Variants in CACNA1H observed in about 807,000 individuals in gnomAD.
The protein encoded by CACNA1H is voltage-dependent T-type calcium channel subunit alpha-1H.
Under a neutral mutation model 192.5 loss-of-function variants are expected in CACNA1H, and 149 were observed. The observed-to-expected ratio is 0.77, with a 90% CI of 0.68 to 0.89. The LOEUF is 0.89. Among genes scored for constraint, CACNA1H ranks in the 40% least tolerant of loss-of-function variants. The pLI, the probability that CACNA1H is intolerant of heterozygous loss-of-function variation, is 0.00. For missense variants in CACNA1H, 4,257 were observed against 3,423.5 expected (o/e 1.24, Z -6.08); for synonymous variants, 2,202 against 1,475.2 (o/e 1.49, Z -11.29).
intron 2 of CACNA1H, among the ~76,000 whole-genome samples, chr16:1,174,679 C>T: frequency 6.6e-6 from 1 of 152,140 alleles, no homozygotes; most frequent in East Asian, 1.9e-4. Flanking sequence ...GAGAGGCGCC[C>T]AATGTTAGTT....
At chr16:1,203,084 G>A (rs573862042) in intron 9 of CACNA1H, among the ~76,000 whole-genome samples, 104 of 152,250 alleles carry the variant, frequency 6.8e-4, no homozygotes, top group African/African-American at 2.4e-3. Flanking sequence ...TGTCCCCCGT[G>A]GTGGGGAGAG....
intron 2 of CACNA1H, among the ~76,000 whole-genome samples, chr16:1,183,568 G>A (rs750161910): frequency 5.9e-5 from 9 of 152,312 alleles, no homozygotes; most frequent in East Asian, 1.9e-4. Context: ...GTTCCCTCCC[G>A]CTAAGAGGCC....
chr16:1,215,205 G>A lies in CACNA1H; in HGVS notation c.5040-37G>A, dbSNP rs750720868. 8.0e-5 allele frequency: 127 copies of A among 1,585,954 alleles called. 1 individual carries two copies. The highest frequency in any genetic ancestry group is 5.1e-4 in the Middle Eastern group (3 of 5,892). On this transcript the variant is annotated intron_variant, in intron 28 of 34. Transcript: ENST00000348261. ...AGCAACGCTGCTGAGCCGAGGCGGG[G>A]ACCCCAGACGTGTGCGCTGAGCCTC...
chr16:1,209,450 T>G (rs779619936), intron 17 of CACNA1H, 38 bp downstream of exon 17: 1 of 1,587,900 alleles, frequency 6.3e-7, no homozygotes. Flanking sequence ...CGACTCGCCT[T>G]CGTCTGTCTG....
intron 12 of CACNA1H, chr16:1,206,661 G>GCAGCCAGGCAGGCCGGGCTTTCA: frequency 2.4e-6 from 1 of 418,028 alleles, no homozygotes; most frequent in African/African-American, 2.0e-5. Context: ...TGGAGGCTAG[G>GCAGCCAGGCAGGCCGGGCTTTCA]CAGCCAGGCA....
intron 2 of CACNA1H, among the ~76,000 whole-genome samples, chr16:1,191,871 G>C (rs995841075): frequency 7.6e-6 from 1 of 130,834 alleles, no homozygotes; most frequent in African/African-American, 3.2e-5. Flanking sequence ...CAGGGTTTTG[G>C]TGACCCAGCA....
intron 2 of CACNA1H, among the ~76,000 whole-genome samples, chr16:1,177,498 G>A (rs1389165469): frequency 6.6e-6 from 1 of 152,186 alleles, no homozygotes; most frequent in Non-Finnish European, 1.5e-5. Context: ...TTTGAGGGCT[G>A]AATTCTGACC....
intron 2 of CACNA1H, among the ~76,000 whole-genome samples, chr16:1,177,128 G>A (rs985591477): frequency 1.1e-4 from 16 of 152,160 alleles, no homozygotes; most frequent in Non-Finnish European, 1.5e-4. Flanking sequence ...TGTCCTGGGC[G>A]GCCCTTTTTG....
chr16:1,210,531 C>T (rs1344542203), intron 19 of CACNA1H, 38 bp downstream of exon 19: 1 of 1,610,714 alleles, frequency 6.2e-7, no homozygotes, highest in Non-Finnish European at 8.5e-7. Context: ...GCCACCACGA[C>T]CCCCAGGGAG....
In CACNA1H at chr16:1,201,998, C is replaced by G. The variant is rs1305959758; in HGVS notation, c.1548C>G (p.His516Gln). The G allele has an allele frequency of 3.9e-6, 6 of 1,539,314 alleles. No homozygotes were observed. The highest frequency in any genetic ancestry group is 5.2e-6 in the Non-Finnish European group (6 of 1,143,784). ...RAGRHTASVH[H>Q]LVYHHHHHHH... ...GCAGGCACACAGCCTCGGTGCACCACCTGGTCTACCACCACCATCACCACC... is the reference window on the plus strand; with the variant it reads ...GCAGGCACACAGCCTCGGTGCACCAGCTGGTCTACCACCACCATCACCACC... The change falls in exon 9 of 35, where the codon CAC (histidine) becomes CAG (glutamine). Residue 516 changes from histidine (H) to glutamine (Q), a missense_variant. His to Gln is a conservative substitution (Grantham distance 24, BLOSUM62 0). Coordinates refer to ENST00000348261, the MANE Select transcript of CACNA1H (RefSeq NM_021098.3).
chr16:1,208,921 GC>G, intron 16 of CACNA1H, 110 bp from the exon 17 acceptor site: 1 of 1,162,480 alleles, frequency 8.6e-7, no homozygotes, highest in Non-Finnish European at 1.1e-6. Context: ...CCCTGGCGGG[GC>G]TATGCATTAA....
In CACNA1H at chr16:1,195,538, G is replaced by T; in HGVS notation, c.518G>T (p.Arg173Met). Residue 173 changes from arginine (R) to methionine (M), a missense_variant, in exon 4 of 35, where the codon AGG (arginine) becomes ATG (methionine). By Grantham distance (91) the Arg-to-Met change is moderately conservative. Transcript: ENST00000348261. ...QKCYLGDTWN[R>M]LDFFIVVAGM... ...TGTTACCTGGGTGACACGTGGAACA[G>T]GCTGGATTTCTTCATCGTCGTGGCG... The T allele has an allele frequency of 6.2e-7, 1 of 1,606,378 alleles. No homozygotes were observed. The highest frequency in any genetic ancestry group is 1.3e-5 in the African/African-American group (1 of 74,936).
At chr16:1,184,061 C>G (rs1377067884) in intron 2 of CACNA1H, among the ~76,000 whole-genome samples, 1 of 152,194 alleles carries the variant, frequency 6.6e-6, no homozygotes, top group East Asian at 1.9e-4. Flanking sequence ...CCCATCAGGC[C>G]TAGGTGGAGC....
In CACNA1H at chr16:1,205,123, C is replaced by G. The variant is rs777617840; in HGVS notation, c.2461C>G (p.Leu821Val). Reference sequence around the variant, plus strand: ...CCACCTCTGCCTGCAGCCCGAGGAGCTGACTAATGCTCTGGAGATCAGCAA... The same window carrying G: ...CCACCTCTGCCTGCAGCCCGAGGAGGTGACTAATGCTCTGGAGATCAGCAA... ...GVEYHEQPEE[L>V]TNALEISNIV... is the part of the protein sequence containing the mutation. The change falls in exon 11 of 35, where the codon CTG becomes GTG. Residue 821 changes from leucine to valine, a missense_variant. Physicochemically the swap from Leu to Val is conservative, Grantham distance 32. Coordinates refer to ENST00000348261, the MANE Select transcript of CACNA1H (RefSeq NM_021098.3). The G allele has an allele frequency of 1.1e-5, 18 of 1,611,704 alleles. No individual in the cohort carries two copies. In the Admixed American group the frequency reaches 2.0e-4, roughly 18 times the overall value.
Position 1,183,933 on chromosome 16 carries a change from C to T in CACNA1H, c.300-11039C>T, listed in dbSNP as rs537466398. On this transcript the variant is annotated intron_variant, in intron 2 of 34. Coordinates refer to ENST00000348261, the MANE Select transcript of CACNA1H (RefSeq NM_021098.3). The stretch of plus-strand genomic sequence containing the variant: ...GGATCGGTTAATTAACGACAGGTGC[C>T]CTGGAGCCGTGTCCATGCCGCCTGG... Among the ~76,000 whole-genome samples the T allele has an allele frequency of 7.9e-5, 12 of 152,352 alleles. No homozygotes were observed. The East Asian group carries it at 1.2e-3, about 15-fold the overall frequency.
chr16:1,175,170 G>A lies in CACNA1H; in HGVS notation c.300-19802G>A, dbSNP rs753811130. Among the ~76,000 whole-genome samples the A allele has an allele frequency of 3.0e-4, 46 of 152,140 alleles. 1 individual carries two copies. The highest frequency in any genetic ancestry group is 5.7e-4 in the Non-Finnish European group (39 of 67,976). ...TGCCCTACTGTGCGCGCGGGCCAAC[G>A]CCCACTGCCCCACGTGACGTGAGGC... is the stretch of plus-strand genomic sequence containing the variant. On this transcript the variant is annotated intron_variant, in intron 2 of 34. Coordinates refer to ENST00000348261, the MANE Select transcript of CACNA1H (RefSeq NM_021098.3).
chr16:1,183,255 C>T (rs1007206767), intron 2 of CACNA1H, among the ~76,000 whole-genome samples: 2 of 152,176 alleles, frequency 1.3e-5, no homozygotes, highest in Middle Eastern at 3.2e-3. Context: ...TCTATTGCGT[C>T]TGATGGCGCC....
rs747436287 is a variant in CACNA1H, at chr16:1,210,460, C to T, written c.3936C>T (p.Ala1312=). 13 of 1,612,034 alleles carry T rather than the reference C, an allele frequency of 8.1e-6. No homozygotes were observed. The highest frequency in any genetic ancestry group is 5.3e-5 in the African/African-American group (4 of 74,824). The change falls in exon 19 of 35, where the codon GCC becomes GCT. Residue 1312 remains alanine, a synonymous_variant. Transcript: ENST00000348261. ...TCTTCCTCAACTGCGTCACCATCGC[C>T]CTGGAGAGGCCTGACATTGATCCCG... ...VFIFLNCVTI[A]LERPDIDPGS...
intron 2 of CACNA1H, among the ~76,000 whole-genome samples, chr16:1,172,345 T>C (rs1042574298): frequency 2.0e-5 from 3 of 152,166 alleles, no homozygotes; most frequent in African/African-American, 7.2e-5. Context: ...CCATCCCCAA[T>C]GTTCCAGGCT....
Sources: allele counts gnomAD v4.1 joint callset (sites outside exome capture counted in the v4.1 genomes callset), GRCh38; gene constraint gnomAD v4.1.1; transcripts MANE v1.5; gene names NCBI Gene and HGNC (gene_info 2026-07-23, HGNC 2026-07-21).